CTNNA2: variants seen among roughly 807,000 people sequenced by gnomAD.
The protein encoded by CTNNA2 is catenin alpha 2, also known as catenin alpha-2.
Under a neutral mutation model 101.0 loss-of-function variants are expected in CTNNA2, and 42 were observed. That is an observed-to-expected ratio of 0.42 (90% CI 0.32 to 0.54). The LOEUF (loss-of-function observed/expected upper bound fraction) is 0.54, where lower values mean the gene tolerates loss of function less well. CTNNA2 is among the 20% of genes least tolerant of loss of function. CTNNA2 has a pLI of 0.14. For synonymous variants in CTNNA2, 450 were observed against 456.4 expected (o/e 0.99, Z 0.18); for missense variants, 871 against 1,223.1 (o/e 0.71, Z 4.29).
chr2:79,287,777 C>T (rs999155846), intron 2 of CTNNA2, among the ~76,000 whole-genome samples: 3 of 152,224 alleles, frequency 2.0e-5, no homozygotes, highest in African/African-American at 7.2e-5. Context: ...GGGCTCCACC[C>T]AGTTCCAGCT....
chr2:79,805,573 T>G (rs1023976016), intron 3 of CTNNA2, among the ~76,000 whole-genome samples: 2 of 152,052 alleles, frequency 1.3e-5, no homozygotes, highest in African/African-American at 4.8e-5. Context: ...AGTACGTTAC[T>G]GAGCTCATTG....
chr2:80,329,347 T>C (rs914471813), intron 7 of CTNNA2, among the ~76,000 whole-genome samples: 1 of 152,236 alleles, frequency 6.6e-6, no homozygotes, highest in Non-Finnish European at 1.5e-5. Flanking sequence ...TCTCATATTA[T>C]GTAGAAGTAA....
Position 80,475,078 on chromosome 2 carries a change from A to G in CTNNA2, c.1290+55477A>G, listed in dbSNP as rs760023291. On this transcript the variant is annotated intron_variant, in intron 9 of 18. Coordinates refer to ENST00000402739, the MANE Select transcript of CTNNA2 (RefSeq NM_001282597.3). ...GTTAATTTTTCTGTTTGCCATTTTT[A>G]GAGATGATGCTGTACAGTCATCAGC... Among the ~76,000 whole-genome samples, 47 of 152,334 alleles carry G rather than the reference A, an allele frequency of 3.1e-4. 1 individual carries two copies. The highest frequency in any genetic ancestry group is 6.8e-3 in the Middle Eastern group (2 of 294).
intron 18 of CTNNA2, among the ~76,000 whole-genome samples, chr2:80,641,309 T>C (rs545612301): frequency 2.6e-5 from 4 of 152,338 alleles, no homozygotes; most frequent in South Asian, 2.1e-4. Context: ...GACAGATTGC[T>C]TTGTGATTTG....
chr2:80,016,457 T>C (rs1288298895), intron 7 of CTNNA2, among the ~76,000 whole-genome samples: 2 of 152,120 alleles, frequency 1.3e-5, no homozygotes, highest in African/African-American at 4.8e-5. Flanking sequence ...AGTGAGAAAG[T>C]GGAACCAGGG....
chr2:79,461,329 A>G (rs1363015207), intron 4 of CTNNA2, among the ~76,000 whole-genome samples: 1 of 152,230 alleles, frequency 6.6e-6, no homozygotes, highest in African/African-American at 2.4e-5. Context: ...ATAAGTAGGC[A>G]TTTTAAAATC....
intron 7 of CTNNA2, among the ~76,000 whole-genome samples, chr2:80,097,501 G>T (rs191294143): frequency 6.6e-6 from 1 of 151,964 alleles, no homozygotes. Context: ...TGCTCTTCTC[G>T]AGGAGTATCT....
chr2:79,932,526 A>G (rs1186301884), intron 7 of CTNNA2, among the ~76,000 whole-genome samples: 1 of 151,684 alleles, frequency 6.6e-6, no homozygotes, highest in Non-Finnish European at 1.5e-5. Flanking sequence ...ATGCTAGATC[A>G]ATGAAAATAC....
chr2:79,935,919 T>C (rs1293967030), intron 7 of CTNNA2, among the ~76,000 whole-genome samples: 2 of 152,280 alleles, frequency 1.3e-5, no homozygotes, highest in African/African-American at 2.4e-5. Flanking sequence ...TTCTTTGGAC[T>C]GTCAAAGGAC....
At chr2:80,150,204 C>A (rs1703606678) in intron 7 of CTNNA2, among the ~76,000 whole-genome samples, 1 of 152,186 alleles carries the variant, frequency 6.6e-6, no homozygotes, top group East Asian at 1.9e-4. Flanking sequence ...TGGCATTTTG[C>A]CATCTGTGAG....
At chr2:80,190,665 C>T (rs1056051051) in intron 7 of CTNNA2, among the ~76,000 whole-genome samples, 8 of 152,144 alleles carry the variant, frequency 5.3e-5, no homozygotes, top group African/African-American at 1.9e-4. Flanking sequence ...ATTTACCCTT[C>T]TATGTGGCCC....
intron 3 of CTNNA2, among the ~76,000 whole-genome samples, chr2:79,798,506 A>T (rs1675895948): frequency 6.6e-6 from 1 of 151,620 alleles, no homozygotes; most frequent in African/African-American, 2.4e-5. Context: ...ATAGGAGATG[A>T]AGCACTGGAG....
chr2:79,541,783 C>G (rs528029607), intron 1 of CTNNA2, among the ~76,000 whole-genome samples: 3 of 151,866 alleles, frequency 2.0e-5, no homozygotes, highest in African/African-American at 7.3e-5. Context: ...TGCGCCACCA[C>G]GCCCAACTAA....
At chr2:79,873,994 G>A in intron 5 of CTNNA2, 82 bp from the exon 6 acceptor site, 1 of 1,549,392 alleles carries the variant, frequency 6.5e-7, no homozygotes, top group African/African-American at 1.4e-5. Context: ...GTGTTACTAA[G>A]AGTCTGTGAC....
At chr2:79,961,895 C>T (rs1337238249) in intron 7 of CTNNA2, among the ~76,000 whole-genome samples, 2 of 151,298 alleles carry the variant, frequency 1.3e-5, no homozygotes, top group Non-Finnish European at 2.9e-5. Context: ...TTCAGATGGA[C>T]CTTTCCCTGG....
intron 2 of CTNNA2, among the ~76,000 whole-genome samples, chr2:79,696,521 G>T (rs1684662632): frequency 6.6e-6 from 1 of 152,030 alleles, no homozygotes; most frequent in Non-Finnish European, 1.5e-5. Flanking sequence ...AATGGCCCAA[G>T]AGGCAGTTTC....
At chr2:79,817,530 T>C (rs1006768457) in intron 3 of CTNNA2, among the ~76,000 whole-genome samples, 4 of 151,950 alleles carry the variant, frequency 2.6e-5, no homozygotes, top group African/African-American at 4.8e-5. Flanking sequence ...CATTGAACCA[T>C]GTGTTGTATC....
intron 7 of CTNNA2, among the ~76,000 whole-genome samples, chr2:80,150,836 A>G (rs1282637176): frequency 6.6e-6 from 1 of 152,202 alleles, no homozygotes; most frequent in Non-Finnish European, 1.5e-5. Context: ...ACTTGGAAAA[A>G]TATATCACCC....
At chr2:80,112,290 G>T (rs1701263628) in intron 7 of CTNNA2, among the ~76,000 whole-genome samples, 1 of 152,012 alleles carries the variant, frequency 6.6e-6, no homozygotes, top group African/African-American at 2.4e-5. Flanking sequence ...TTGAAATTTT[G>T]ATATTCATAC....
Sources: allele counts gnomAD v4.1 joint callset (sites outside exome capture counted in the v4.1 genomes callset), GRCh38; gene constraint gnomAD v4.1.1; transcripts MANE v1.5; gene names NCBI Gene and HGNC (gene_info 2026-07-23, HGNC 2026-07-21).